FTCDNL1: variants seen among roughly 807,000 people sequenced by gnomAD.
FTCDNL1 encodes the protein formiminotransferase N-terminal subdomain-containing protein.
A neutral mutation model predicts 5.9 loss-of-function variants in FTCDNL1; 11 were observed. That is an observed-to-expected ratio of 1.87 (90% CI 1.18 to 3.10). The LOEUF is 3.10. FTCDNL1 is among the 30% of genes most tolerant of loss of function. FTCDNL1 has a pLI of 0.00. For missense variants in FTCDNL1, 115 were observed against 65.5 expected (o/e 1.76, Z -2.61); for synonymous variants, 58 against 24.8 (o/e 2.34, Z -3.99).
chr2:199,670,419 C>T, the FTCDNL1 span, among the ~76,000 whole-genome samples: 1 of 152,100 alleles, frequency 6.6e-6, no homozygotes, highest in Admixed American at 6.5e-5. Context: ...TTTACCAAGG[C>T]AAAATAGGAC....
chr2:199,738,108 C>T, the FTCDNL1 span, among the ~76,000 whole-genome samples: 3 of 152,306 alleles, frequency 2.0e-5, no homozygotes, highest in East Asian at 1.9e-4. Context: ...TAGATGTCTG[C>T]TCATTATTCA....
At chr2:199,786,372 C>T (rs571860177) in intron 3 of FTCDNL1, among the ~76,000 whole-genome samples, 1 of 152,154 alleles carries the variant, frequency 6.6e-6, no homozygotes, top group South Asian at 2.1e-4. Context: ...GGGGGTGTCA[C>T]TTAGCCCAGG....
the FTCDNL1 span, among the ~76,000 whole-genome samples, chr2:199,679,903 A>G: frequency 6.6e-6 from 1 of 152,320 alleles, no homozygotes; most frequent in African/African-American, 2.4e-5. Context: ...ACTTTCAAAG[A>G]AATTATTTAT....
At chr2:199,705,681 C>T in the FTCDNL1 span, among the ~76,000 whole-genome samples, 2 of 152,148 alleles carry the variant, frequency 1.3e-5, no homozygotes, top group Non-Finnish European at 2.9e-5. Flanking sequence ...AGAAAACAGT[C>T]ATCGTAATGC....
chr2:199,846,572 CT>C (rs1459855286), intron 2 of FTCDNL1, among the ~76,000 whole-genome samples: 3 of 152,174 alleles, frequency 2.0e-5, no homozygotes, highest in African/African-American at 7.2e-5. Flanking sequence ...AGAAACTAAA[CT>C]GTTTGGGTCA....
chr2:199,830,168 T>C (rs537261907), intron 3 of FTCDNL1, among the ~76,000 whole-genome samples: 12 of 152,172 alleles, frequency 7.9e-5, no homozygotes, highest in Non-Finnish European at 1.6e-4. Context: ...GATTTCTTAC[T>C]TTCATATTTT....
the FTCDNL1 span, among the ~76,000 whole-genome samples, chr2:199,713,722 A>G: frequency 3.3e-4 from 50 of 152,304 alleles, no homozygotes; most frequent in African/African-American, 1.2e-3. Flanking sequence ...TTTCTTGCTA[A>G]AAGTTATACC....
chr2:199,812,761 T>C (rs1484660681), intron 4 of FTCDNL1, 37 bp from the exon 5 acceptor site: 8 of 696,366 alleles, frequency 1.1e-5, no homozygotes, highest in Non-Finnish European at 1.8e-5. Context: ...TATGATTTCG[T>C]TTTCCATGTG....
the FTCDNL1 span, among the ~76,000 whole-genome samples, chr2:199,746,516 A>G: frequency 2.0e-5 from 3 of 152,018 alleles, no homozygotes; most frequent in South Asian, 2.1e-4. Flanking sequence ...CTTGAGCCCT[A>G]TGAGGAGGTC....
At chr2:199,832,971 T>C (rs76687840) in intron 3 of FTCDNL1, among the ~76,000 whole-genome samples, 2 of 133,348 alleles carry the variant, frequency 1.5e-5, no homozygotes, top group Admixed American at 7.7e-5. Context: ...AGCTCCCTAA[T>C]TTTTTTTTTT....
chr2:199,757,975 T>G (rs1698127869), downstream of FTCDNL1, among the ~76,000 whole-genome samples: 1 of 152,206 alleles, frequency 6.6e-6, no homozygotes, highest in South Asian at 2.1e-4. Flanking sequence ...TCCTCCACAG[T>G]GGAATATCCT....
chr2:199,689,541 A>G, the FTCDNL1 span, among the ~76,000 whole-genome samples: 6 of 152,182 alleles, frequency 3.9e-5, no homozygotes, highest in African/African-American at 1.4e-4. Flanking sequence ...TGAACTACAG[A>G]AACAGCCTTC....
intron 3 of FTCDNL1, among the ~76,000 whole-genome samples, chr2:199,824,650 T>C (rs1701907959): frequency 6.6e-6 from 1 of 152,212 alleles, no homozygotes; most frequent in South Asian, 2.1e-4. Flanking sequence ...AAGGCCATTG[T>C]TGGGTTATTA....
At chr2:199,776,014 C>T (rs560511682) in intron 3 of FTCDNL1, among the ~76,000 whole-genome samples, 50 of 151,246 alleles carry the variant, frequency 3.3e-4, no homozygotes, top group Admixed American at 1.8e-3. Context: ...CCCAGGTTCA[C>T]GCCATTCTCC....
rs2076860756 is a variant in FTCDNL1 at position 199,850,916 on chromosome 2, C to G, written c.-184G>C. 1 of 152,192 alleles carries G rather than the reference C, an allele frequency of 6.6e-6. No homozygotes were observed. Among genetic ancestry groups the G allele is most frequent in the South Asian group, 2.1e-4 (1 of 4,830 alleles). The allele number at this position is 152,192 out of a possible 1,614,324, so 9.4% of individuals were successfully genotyped here. On this transcript the variant is annotated 5_prime_UTR_variant, in exon 1 of 5. Coordinates refer to ENST00000420128, the MANE Select transcript of FTCDNL1 (RefSeq NM_001363886.2). Reference sequence around the variant, plus strand: ...GGCTGAAAGGGAACCCGAAGTGACTCCCGGCCTCCCCACAGGTCTCGCGGG... The same window carrying G: ...GGCTGAAAGGGAACCCGAAGTGACTGCCGGCCTCCCCACAGGTCTCGCGGG...
At chr2:199,724,499 A>C in the FTCDNL1 span, among the ~76,000 whole-genome samples, 1 of 151,908 alleles carries the variant, frequency 6.6e-6, no homozygotes, top group Non-Finnish European at 1.5e-5. Context: ...AGATCTTTCT[A>C]GTTTTTTGAT....
At chr2:199,696,607 C>A in the FTCDNL1 span, among the ~76,000 whole-genome samples, 1 of 151,998 alleles carries the variant, frequency 6.6e-6, no homozygotes, top group Non-Finnish European at 1.5e-5. Flanking sequence ...ATAACACCAA[C>A]CCTCAAGGTC....
the FTCDNL1 span, among the ~76,000 whole-genome samples, chr2:199,743,119 T>G: frequency 6.6e-6 from 1 of 152,188 alleles, no homozygotes; most frequent in Non-Finnish European, 1.5e-5. Flanking sequence ...TAACAGCAGC[T>G]GGGGCTACAG....
chr2:199,720,994 T>G, the FTCDNL1 span, among the ~76,000 whole-genome samples: 2 of 152,336 alleles, frequency 1.3e-5, no homozygotes, highest in South Asian at 4.1e-4. Flanking sequence ...TAGGAAAGTC[T>G]AATCTATCTC....
Sources: allele counts gnomAD v4.1 joint callset (sites outside exome capture counted in the v4.1 genomes callset), GRCh38; gene constraint gnomAD v4.1.1; transcripts MANE v1.5; gene names NCBI Gene and HGNC (gene_info 2026-07-23, HGNC 2026-07-21).